FBXO2: variants seen among roughly 807,000 people sequenced by gnomAD.
FBXO2 encodes F-box only protein 2.
Under a neutral mutation model 38.6 loss-of-function variants are expected in FBXO2, and 32 were observed. The observed-to-expected ratio is 0.83, with a 90% CI of 0.62 to 1.11. The LOEUF (loss-of-function observed/expected upper bound fraction) is 1.11. Ranked by LOEUF, FBXO2 falls within the 50% of genes most tolerant of loss-of-function variation. The pLI is 0.00. For missense variants in FBXO2, 450 were observed against 418.3 expected, an observed-to-expected ratio of 1.08 and a Z score of -0.66; for synonymous variants, 189 against 182.9, an observed-to-expected ratio of 1.03 and a Z score of -0.27.
chr1:11,654,114 G>C, intron 1 of FBXO2: 1 of 493,020 alleles, frequency 2.0e-6, no homozygotes, highest in South Asian at 3.3e-5. Flanking sequence ...CTCTCTCCTT[G>C]CCAGTCGCCT....
chr1:11,648,917 C>T lies in FBXO2; in HGVS notation c.757-89G>A. The T allele has an allele frequency of 6.4e-7, 1 of 1,562,842 alleles. No individual in the cohort carries two copies. The highest frequency in any genetic ancestry group is 1.2e-5 in the South Asian group (1 of 86,752). ...CGGTACACCGACCGACCTGCAGCTC[C>T]CCCACTCGGTTTCTCCGCGGTATTC... On this transcript the variant is annotated intron_variant, in intron 5 of 5. Transcript: ENST00000354287. The surrounding 1 kb of genome is among the most constrained non-coding windows in gnomAD (Gnocchi z 4.2).
rs549361070 is a variant in FBXO2 at position 11,650,348 on chromosome 1, A to G, written c.391+118T>C. 2.1e-5 allele frequency: 31 copies of G among 1,469,198 alleles called. No homozygotes were observed. The South Asian group carries it at 2.7e-4, about 13-fold the overall frequency. 91.0% of individuals were successfully genotyped at this position (1,469,198 alleles called of 1,614,324 possible). A position where few individuals can be genotyped will look rare whatever the true frequency, so the allele number is the denominator to read the frequency against. On this transcript the variant is annotated intron_variant, in intron 2 of 5. Transcript: ENST00000354287. ...TACAGTAATAGACAGCCTTGGGGCT[A>G]CCCAGTGCTGGCACTGAGCCAGGCG...
chr1:11,650,139 T>G (rs1261092915), intron 2 of FBXO2, 65 bp from the exon 3 acceptor site: 1 of 1,595,764 alleles, frequency 6.3e-7, no homozygotes, highest in Non-Finnish European at 8.6e-7. Flanking sequence ...CTTGCCACTA[T>G]GTGGTGGGGG....
At chr1:11,650,164 G>A (rs72869709) in intron 2 of FBXO2, 90 bp from the exon 3 acceptor site, 18 of 1,554,114 alleles carry the variant, frequency 1.2e-5, no homozygotes, top group African/African-American at 1.4e-5. Flanking sequence ...GGCAAAGGTC[G>A]CACTTGGTGT....
rs1639485932 is a variant in FBXO2 at position 11,649,968 on chromosome 1, C to CTTGACGCTCTCA, written c.486_497dup (p.Val165_Lys166insAsnGluSerVal). ...ACTCAAAGGAGGAGGCGAAGTACTT[C>CTTGACGCTCTCA]TTGACGCTCTCATCGTGGGTGAACT... On this transcript the variant is annotated inframe_insertion, in exon 3 of 6. Transcript: ENST00000354287. 6.2e-7 allele frequency: 1 copy of CTTGACGCTCTCA among 1,613,936 alleles called. No individual in the cohort carries two copies. Among genetic ancestry groups the CTTGACGCTCTCA allele is most frequent in the Non-Finnish European group, 8.5e-7 (1 of 1,180,028 alleles).
chr1:11,650,367 C>G, intron 2 of FBXO2, 99 bp downstream of exon 2: 2 of 1,495,946 alleles, frequency 1.3e-6, no homozygotes, highest in Non-Finnish European at 1.8e-6. Flanking sequence ...TGGCACTGAG[C>G]CAGGCGCTTA....
rs1313239191 is a variant in FBXO2, at chr1:11,650,498, C to T, written c.359G>A (p.Arg120His). The T allele has an allele frequency of 6.2e-7, 1 of 1,608,150 alleles. No individual in the cohort carries two copies. The change falls in exon 2 of 6, where the codon CGC becomes CAC. Residue 120 changes from arginine to histidine, a missense_variant. By Grantham distance (29) the Arg-to-His change is conservative. Coordinates refer to ENST00000354287, the MANE Select transcript of FBXO2 (RefSeq NM_012168.6). ...WQQFYFLSKRRRNLLRNPCGE... is the reference protein window; with the variant it reads ...WQQFYFLSKRHRNLLRNPCGE... ...ACACGGGTTACGCAGAAGGTTGCGG[C>T]GCCGCTTGCTCAGGAAGTAGAACTG...
At chr1:11,654,251 T>C (rs1212892039) in intron 1 of FBXO2, 68 bp downstream of exon 1, 4 of 1,467,656 alleles carry the variant, frequency 2.7e-6, no homozygotes, top group Non-Finnish European at 2.7e-6. Context: ...GACGCCCCTC[T>C]GTGCAGCGCT....
In FBXO2 at chr1:11,653,962, G is replaced by A. The variant is rs376487639; in HGVS notation, c.22+357C>T. Reference sequence around the variant, plus strand: ...TCAGACGGCCCAAGGCCCAGAGCTGGAAGAGCTGATGAAAGAAAAGGCTCG... The same window carrying A: ...TCAGACGGCCCAAGGCCCAGAGCTGAAAGAGCTGATGAAAGAAAAGGCTCG... On this transcript the variant is annotated intron_variant, in intron 1 of 5. Transcript: ENST00000354287. 1.3e-4 allele frequency: 32 copies of A among 248,866 alleles called. No homozygotes were observed. The South Asian group carries it at 2.8e-3, about 22-fold the overall frequency. 15.4% of individuals were successfully genotyped at this position (248,866 alleles called of 1,614,324 possible).
Position 11,650,589 on chromosome 1 carries a change from G to T in FBXO2, c.268C>A (p.Leu90Ile). 1 of 1,593,702 alleles carries T rather than the reference G, an allele frequency of 6.3e-7. No homozygotes were observed. Among genetic ancestry groups the T allele is most frequent in the Middle Eastern group, 1.7e-4 (1 of 6,042 alleles). The change falls in exon 2 of 6, where the codon CTC (leucine) becomes ATC (isoleucine). Residue 90 changes from leucine (L) to isoleucine (I), a missense_variant. Coordinates refer to ENST00000354287, the MANE Select transcript of FBXO2 (RefSeq NM_012168.6). ...ELVDGAPLWL[L>I]KCQQEGLVPE... ...ACCAGCCCCTCCTGCTGGCACTTGA[G>T]CAGCCACAGCGGGGCGCCGTCCACC...
At position 11,648,987 on chromosome 1, in the gene FBXO2, C is replaced by T; in HGVS notation, c.756+100G>A. 1 of 1,418,558 alleles carries T rather than the reference C, an allele frequency of 7.0e-7. No individual in the cohort carries two copies. Among genetic ancestry groups the T allele is most frequent in the East Asian group, 2.5e-5 (1 of 40,492 alleles). The allele number at this position is 1,418,558 out of a possible 1,614,324, so 87.9% of individuals were successfully genotyped here. A position where few individuals can be genotyped will look rare whatever the true frequency, so the allele number is the denominator to read the frequency against. ...GGTGACTATCTCAGCCCAGCCCAGC[C>T]CAGCCCACCCCAGCCCAGGAGCGCT... On this transcript the variant is annotated intron_variant, in intron 5 of 5. Transcript: ENST00000354287. This position sits in a 1 kb window ranked among gnomAD's most constrained non-coding sequence, Gnocchi z 4.2.
chr1:11,648,800 G>T lies in FBXO2; in HGVS notation c.785C>A (p.Pro262Gln). 6.2e-7 allele frequency: 1 copy of T among 1,613,712 alleles called. No individual in the cohort carries two copies. The highest frequency in any genetic ancestry group is 8.5e-7 in the Non-Finnish European group (1 of 1,179,998). ...CTCGAAGCGGACGAAGCGGACGCCC[G>T]GCCCGTAGTCGGTGAAGGTGTGGGA... ...EISHTFTDYG[P>Q]GVRFVRFEHG... The change falls in exon 6 of 6, where the codon CCG becomes CAG. Residue 262 changes from proline to glutamine, a missense_variant. Coordinates refer to ENST00000354287, the MANE Select transcript of FBXO2 (RefSeq NM_012168.6). The surrounding 1 kb of genome is among the most constrained non-coding windows in gnomAD (Gnocchi z 4.2).
Position 11,650,551 on chromosome 1 carries a change from G to A in FBXO2, c.306C>T (p.Gly102=), listed in dbSNP as rs985912328. The part of the protein sequence containing the change: ...CQQEGLVPEG[G]VEEERDHWQQ... ...GCCAGTGGTCGCGCTCCTCCTCCAC[G>A]CCGCCCTCGGGCACCAGCCCCTCCT... Residue 102 remains glycine (G), a synonymous_variant, in exon 2 of 6, where the codon GGC becomes GGT. Coordinates refer to ENST00000354287, the MANE Select transcript of FBXO2 (RefSeq NM_012168.6). 4.4e-6 allele frequency: 7 copies of A among 1,596,020 alleles called. No homozygotes were observed. The highest frequency in any genetic ancestry group is 4.0e-5 in the African/African-American group (3 of 74,584).
In FBXO2 at chr1:11,650,679, C is replaced by T. The variant is rs1199783128; in HGVS notation, c.178G>A (p.Ala60Thr). ...LPEPLLLRVLAALPAAELVQA... is the reference protein window; with the variant it reads ...LPEPLLLRVLTALPAAELVQA... The stretch of plus-strand genomic sequence containing the variant: ...ACCAGCTCGGCGGCCGGCAGTGCGG[C>T]CAGCACGCGCAGCAGCAGCGGCTCG... Residue 60 changes from alanine (A) to threonine (T), a missense_variant, in exon 2 of 6, where the codon GCC becomes ACC. By Grantham distance (58) the Ala-to-Thr change is moderately conservative. Transcript: ENST00000354287. 7.1e-6 allele frequency: 11 copies of T among 1,539,188 alleles called. No individual in the cohort carries two copies. In the East Asian group the frequency reaches 2.0e-4, roughly 27 times the overall value.
Position 11,648,491 on chromosome 1 carries a change from T to A in FBXO2, c.*203A>T. On this transcript the variant is annotated 3_prime_UTR_variant, in exon 6 of 6. Transcript: ENST00000354287. The surrounding 1 kb of genome is among the most constrained non-coding windows in gnomAD (Gnocchi z 4.2). The stretch of plus-strand genomic sequence containing the variant: ...CAGTCCAAGCTCACGCCCTCACGGA[T>A]CTACATTCTAGAAGCCGGCTACCTA... 1 of 661,622 alleles carries A rather than the reference T, an allele frequency of 1.5e-6. No homozygotes were observed. Among genetic ancestry groups the A allele is most frequent in the Non-Finnish European group, 2.5e-6 (1 of 394,020 alleles). 41.0% of individuals were successfully genotyped at this position (661,622 alleles called of 1,614,324 possible). A position where few individuals can be genotyped will look rare whatever the true frequency, so the allele number is the denominator to read the frequency against.
chr1:11,654,279 TC>T, intron 1 of FBXO2, 39 bp downstream of exon 1: 1 of 1,482,212 alleles, frequency 6.7e-7, no homozygotes, highest in African/African-American at 1.5e-5. Flanking sequence ...CGACCCCATC[TC>T]CCCTCCCCGC....
chr1:11,651,643 T>C (rs911289364), intron 1 of FBXO2, among the ~76,000 whole-genome samples: 18 of 152,246 alleles, frequency 1.2e-4, no homozygotes, highest in African/African-American at 4.3e-4. Context: ...AGAGCCATCT[T>C]AAACCACCAC....
In FBXO2 at chr1:11,650,829, C is replaced by A; in HGVS notation, c.28G>T (p.Val10Leu). The change falls in exon 2 of 6, where the codon GTG becomes TTG. Residue 10 changes from valine to leucine, a missense_variant. Coordinates refer to ENST00000354287, the MANE Select transcript of FBXO2 (RefSeq NM_012168.6). ...GGGCTTGCCTCCTCGGGCTGGCCCA[C>A]GCTCTCTGCAGGCAGGGATGGGTGG... MDGDGDPES[V>L]GQPEEASPEE... The A allele has an allele frequency of 6.4e-7, 1 of 1,552,224 alleles. No individual in the cohort carries two copies. Among genetic ancestry groups the A allele is most frequent in the Non-Finnish European group, 8.7e-7 (1 of 1,154,856 alleles).
Position 11,654,370 on chromosome 1 carries a change from G to A in FBXO2, c.-30C>T. Reference sequence around the variant, plus strand: ...GCGGAGGGCGGTCGCGAGAGGAGGAGCCGGAGCGCTGCGGGCTGCGCGAGT... The same window carrying A: ...GCGGAGGGCGGTCGCGAGAGGAGGAACCGGAGCGCTGCGGGCTGCGCGAGT... On this transcript the variant is annotated 5_prime_UTR_variant, in exon 1 of 6. Coordinates refer to ENST00000354287, the MANE Select transcript of FBXO2 (RefSeq NM_012168.6). 1.1e-5 allele frequency: 15 copies of A among 1,394,028 alleles called. No individual in the cohort carries two copies. Among genetic ancestry groups the A allele is most frequent in the Non-Finnish European group, 1.4e-5 (15 of 1,077,872 alleles). The allele number at this position is 1,394,028 out of a possible 1,614,324, so 86.4% of individuals were successfully genotyped here. A position where few individuals can be genotyped will look rare whatever the true frequency, so the allele number is the denominator to read the frequency against.
Sources: gnomAD v4.1 joint callset for allele counts (sites outside exome capture counted in the v4.1 genomes callset) on GRCh38, gnomAD v4.1.1 for gene constraint, Gnocchi (gnomAD v3.1) non-coding constraint, MANE v1.5 for transcripts, NCBI Gene and HGNC (gene_info 2026-07-23, HGNC 2026-07-21) for gene names.